Variants in RTN4 observed in about 807,000 individuals in gnomAD.
The protein encoded by RTN4 is reticulon 4.
In RTN4, 32 loss-of-function variants were observed where a neutral mutation model predicts 90.4. The ratio of observed to expected loss-of-function variants is 0.35; its 90% CI spans 0.27 to 0.48. The LOEUF is 0.48. Among genes scored for constraint, RTN4 ranks in the 20% least tolerant of loss-of-function variants. The probability of loss-of-function intolerance (pLI) is 0.99; values close to 1 mark genes in which losing one functional copy is unlikely to be tolerated. For synonymous variants in RTN4, 629 were observed against 552.5 expected, an observed-to-expected ratio of 1.14 and a Z score of -1.94; for missense variants, 1,706 against 1,430.2, an observed-to-expected ratio of 1.19 and a Z score of -3.11.
At chr2:55,010,666 T>G (rs1280936718) in intron 3 of RTN4, among the ~76,000 whole-genome samples, 1 of 152,236 alleles carries the variant, frequency 6.6e-6, no homozygotes, top group African/African-American at 2.4e-5. Flanking sequence ...TGTGAAATGA[T>G]GAGTCTCCTT....
chr2:54,984,501 G>C (rs114376442), intron 4 of RTN4, among the ~76,000 whole-genome samples: 2 of 152,194 alleles, frequency 1.3e-5, no homozygotes, highest in African/African-American at 4.8e-5. Context: ...ACCCTGGTTG[G>C]TATTCTGCTT....
intron 3 of RTN4, among the ~76,000 whole-genome samples, chr2:55,001,713 G>A (rs1377884044): frequency 6.6e-6 from 1 of 152,130 alleles, no homozygotes; most frequent in Non-Finnish European, 1.5e-5. Flanking sequence ...AGTCCAACAG[G>A]CACTTCAAAA....
At chr2:54,981,407 A>G (rs1678115882) in intron 5 of RTN4, among the ~76,000 whole-genome samples, 1 of 152,152 alleles carries the variant, frequency 6.6e-6, no homozygotes, top group Non-Finnish European at 1.5e-5. Flanking sequence ...TGTGATAAAT[A>G]TAAACTAGAA....
At chr2:54,997,956 T>C (rs1321199812) in intron 3 of RTN4, among the ~76,000 whole-genome samples, 1 of 152,130 alleles carries the variant, frequency 6.6e-6, no homozygotes, top group Non-Finnish European at 1.5e-5. Context: ...CTATCTGCAG[T>C]TTCTAGGGCA....
At chr2:55,051,293 G>C (rs1000449037), upstream of RTN4, among the ~76,000 whole-genome samples, 3 of 152,160 alleles carry the variant, frequency 2.0e-5, no homozygotes, top group African/African-American at 7.2e-5. Flanking sequence ...AGAGGCAGCG[G>C]GGAGACAGGA....
chr2:55,049,855 G>C lies in RTN4; in HGVS notation c.446C>G (p.Ala149Gly). ...PPARPPPPPP[A>G]SVSPQAEPVW... is the part of the protein sequence containing the mutation. ...GGGCTCTGCCTGGGGGCTCACGCTG[G>C]CCGGGGGAGGAGGGGGAGGCCGGGC... is the stretch of plus-strand genomic sequence containing the variant. The change falls in exon 1 of 9, where the codon GCC (alanine) becomes GGC (glycine). Residue 149 changes from alanine (A) to glycine (G), a missense_variant. Coordinates refer to ENST00000337526, the MANE Select transcript of RTN4 (RefSeq NM_020532.5). 2.3e-6 allele frequency: 3 copies of C among 1,313,180 alleles called. No individual in the cohort carries two copies. The highest frequency in any genetic ancestry group is 9.7e-7 in the Non-Finnish European group (1 of 1,034,224). The allele number at this position is 1,313,180 out of a possible 1,614,324, so 81.3% of individuals were successfully genotyped here.
intron 1 of RTN4, among the ~76,000 whole-genome samples, chr2:55,042,624 G>C (rs1683152184): frequency 6.6e-6 from 1 of 152,140 alleles, no homozygotes; most frequent in African/African-American, 2.4e-5. Flanking sequence ...TATTCTTGTA[G>C]TACTGTTTGG....
chr2:54,972,897 T>C lies in RTN4; in HGVS notation c.*259A>G, dbSNP rs1344153256. On this transcript the variant is annotated 3_prime_UTR_variant, in exon 9 of 9. Coordinates refer to ENST00000337526, the MANE Select transcript of RTN4 (RefSeq NM_020532.5). ...ATATACAGGTTTTTTATTCCACCAG[T>C]GCCTCAGATAGATAGGAAAAAGATA... 3.2e-6 allele frequency: 1 copy of C among 316,854 alleles called. No individual in the cohort carries two copies. The highest frequency in any genetic ancestry group is 5.6e-6 in the Non-Finnish European group (1 of 179,100). The allele number at this position is 316,854 out of a possible 1,614,324, so 19.6% of individuals were successfully genotyped here. A position where few individuals can be genotyped will look rare whatever the true frequency, so the allele number is the denominator to read the frequency against.
chr2:55,027,989 C>CA (rs1477393611), intron 2 of RTN4, among the ~76,000 whole-genome samples, 175 bp downstream of exon 2: 1 of 152,168 alleles, frequency 6.6e-6, no homozygotes, highest in Non-Finnish European at 1.5e-5. Context: ...AGATTTTGCT[C>CA]ATTTTTCCCT....
At chr2:54,973,970 G>C (rs1031189576) in intron 6 of RTN4, 103 bp from the exon 7 acceptor site, 28 of 963,626 alleles carry the variant, frequency 2.9e-5, no homozygotes, top group Non-Finnish European at 4.2e-5. Flanking sequence ...ACCAAGCAGT[G>C]TTCCTAATGA....
At chr2:55,060,281 GC>G (rs1315315244) in intron 2 of RTN4, among the ~76,000 whole-genome samples, 2 of 152,128 alleles carry the variant, frequency 1.3e-5, no homozygotes, top group South Asian at 4.1e-4. Flanking sequence ...ATAGTATCTT[GC>G]CATTATTTTA....
chr2:55,024,467 C>T (rs1356063145), intron 3 of RTN4, among the ~76,000 whole-genome samples: 1 of 152,044 alleles, frequency 6.6e-6, no homozygotes, highest in African/African-American at 2.4e-5. Context: ...AGCACATGTG[C>T]AAATCACCTT....
At chr2:55,106,842 T>C (rs993075812) in intron 1 of RTN4, among the ~76,000 whole-genome samples, 1 of 152,162 alleles carries the variant, frequency 6.6e-6, no homozygotes, top group Admixed American at 6.6e-5. Flanking sequence ...TTAACAAATA[T>C]TTATTTTTGT....
At chr2:55,075,116 T>C (rs1283807538) in intron 2 of RTN4, among the ~76,000 whole-genome samples, 3 of 152,206 alleles carry the variant, frequency 2.0e-5, no homozygotes, top group East Asian at 1.9e-4. Flanking sequence ...GGCATCCAAA[T>C]TGGTAATGAG....
chr2:54,998,459 T>C (rs187818287), intron 3 of RTN4, among the ~76,000 whole-genome samples: 2 of 152,298 alleles, frequency 1.3e-5, no homozygotes, highest in African/African-American at 4.8e-5. Flanking sequence ...GGTCACTAAT[T>C]CTAATTGATT....
the RTN4 span, among the ~76,000 whole-genome samples, chr2:55,136,773 G>T: frequency 1.3e-5 from 2 of 152,154 alleles, no homozygotes; most frequent in South Asian, 2.1e-4. Flanking sequence ...AATCTGACTC[G>T]CATTATTTCT....
chr2:55,050,344 C>T lies in RTN4; in HGVS notation c.-44G>A. The T allele has an allele frequency of 7.8e-7, 1 of 1,284,270 alleles. No individual in the cohort carries two copies. 79.6% of individuals were successfully genotyped at this position (1,284,270 alleles called of 1,614,324 possible). The stretch of plus-strand genomic sequence containing the variant: ...ATGCTGCAGCTGCTGCCGCCGCCGC[C>T]GGGGCCGCGTCTCAGAGCCGCGGGC... On this transcript the variant is annotated 5_prime_UTR_variant, in exon 1 of 9. Coordinates refer to ENST00000337526, the MANE Select transcript of RTN4 (RefSeq NM_020532.5). The surrounding 1 kb of genome is among the most constrained non-coding windows in gnomAD (Gnocchi z 4.6).
chr2:55,023,850 C>T (rs897892862), intron 3 of RTN4, among the ~76,000 whole-genome samples: 1 of 152,090 alleles, frequency 6.6e-6, no homozygotes, highest in Non-Finnish European at 1.5e-5. Flanking sequence ...GACCAACTTG[C>T]AATCCTTAAC....
chr2:55,071,268 C>T (rs1177740218), intron 2 of RTN4, among the ~76,000 whole-genome samples: 1 of 151,854 alleles, frequency 6.6e-6, no homozygotes, highest in Non-Finnish European at 1.5e-5. Context: ...TACTACCTTG[C>T]AATTAACTCT....
Sources: gnomAD v4.1 joint callset for allele counts (sites outside exome capture counted in the v4.1 genomes callset) on GRCh38, gnomAD v4.1.1 for gene constraint, Gnocchi (gnomAD v3.1) non-coding constraint, MANE v1.5 for transcripts, NCBI Gene and HGNC (gene_info 2026-07-23, HGNC 2026-07-21) for gene names.